DPP6: variants seen among roughly 807,000 people sequenced by gnomAD.
DPP6 encodes the protein A-type potassium channel modulatory protein DPP6.
In DPP6, 69 loss-of-function variants were observed where a neutral mutation model predicts 122.6. The observed-to-expected ratio is 0.56, with a 90% CI of 0.46 to 0.69. DPP6 has a LOEUF of 0.69. DPP6 is among the 30% of genes least tolerant of loss of function. DPP6 has a pLI of 0.00. For missense variants in DPP6, 928 were observed against 1,116.9 expected (o/e 0.83, Z 2.41); for synonymous variants, 418 against 433.1 (o/e 0.97, Z 0.43).
At chr7:153,921,411 C>G (rs1245945058) in intron 1 of DPP6, among the ~76,000 whole-genome samples, 1 of 152,206 alleles carries the variant, frequency 6.6e-6, no homozygotes, top group African/African-American at 2.4e-5. Context: ...GTTCCAAAAA[C>G]TATTAAATGC....
At chr7:154,374,603 T>TTTTTTTTCC (rs1242421074) in intron 1 of DPP6, among the ~76,000 whole-genome samples, 1 of 80,426 alleles carries the variant, frequency 1.2e-5, no homozygotes, top group Non-Finnish European at 3.4e-5. Context: ...TCTTTTTCTG[T>TTTTTTTTCC]TTTTTTTCTT....
At chr7:154,625,460 A>C (rs1462705790) in intron 5 of DPP6, among the ~76,000 whole-genome samples, 1 of 152,176 alleles carries the variant, frequency 6.6e-6, no homozygotes, top group Non-Finnish European at 1.5e-5. Flanking sequence ...AAGCATAGAG[A>C]TATTTCTAGT....
chr7:153,918,579 T>A (rs1479918329), intron 1 of DPP6, among the ~76,000 whole-genome samples: 5,980 of 42,646 alleles, frequency 0.14, 143 homozygotes, highest in East Asian at 0.21. Flanking sequence ...TCTCTCTCTC[T>A]CTCTCTCTCT....
intron 1 of DPP6, among the ~76,000 whole-genome samples, chr7:154,287,105 C>T (rs1305613482): frequency 6.6e-6 from 1 of 152,166 alleles, no homozygotes. Context: ...CTGGCCTATG[C>T]CTGTGATTGC....
chr7:154,560,973 G>C (rs116758618), intron 4 of DPP6, among the ~76,000 whole-genome samples: 1,560 of 151,344 alleles, frequency 0.01, 26 homozygotes, highest in African/African-American at 0.034. Context: ...ATTAATATTA[G>C]ATAAAATAGA....
At chr7:154,881,191 G>A (rs955823882) in intron 21 of DPP6, 9 of 507,782 alleles carry the variant, frequency 1.8e-5, no homozygotes, top group African/African-American at 1.8e-4. Flanking sequence ...CCGCAGGAGA[G>A]CTCTAATACA....
chr7:154,499,475 A>C (rs542859168), intron 3 of DPP6, among the ~76,000 whole-genome samples: 1 of 152,310 alleles, frequency 6.6e-6, no homozygotes, highest in Non-Finnish European at 1.5e-5. Flanking sequence ...GTGTGAGGCC[A>C]ACATTAAGTC....
At chr7:154,344,260 A>G (rs1199530924) in intron 1 of DPP6, among the ~76,000 whole-genome samples, 1 of 152,110 alleles carries the variant, frequency 6.6e-6, no homozygotes, top group Non-Finnish European at 1.5e-5. Flanking sequence ...CTTTCTCTCA[A>G]TAACAATAAG....
rs74894281 is a variant in DPP6 at position 154,810,455 on chromosome 7, A to G, written c.1666+3343A>G. Among the ~76,000 whole-genome samples the G allele has an allele frequency of 5.4e-3, 827 of 152,294 alleles. 10 individuals are homozygous for G. Among genetic ancestry groups the G allele is most frequent in the African/African-American group, 0.019 (783 of 41,542 alleles). ...GACAGAGTGTTAAAGTTTAGAGAGC[A>G]CTATAGGGTGGCTCCTGTGCGGATT... On this transcript the variant is annotated intron_variant, in intron 16 of 25. Coordinates refer to ENST00000377770, the MANE Select transcript of DPP6 (RefSeq NM_130797.4).
chr7:153,953,517 A>G (rs1285268224), intron 1 of DPP6, among the ~76,000 whole-genome samples: 2 of 152,112 alleles, frequency 1.3e-5, no homozygotes, highest in African/African-American at 2.4e-5. Flanking sequence ...CATGCCCAGG[A>G]CGTAGGGGAT....
At chr7:154,318,795 C>A (rs1807659589) in intron 1 of DPP6, among the ~76,000 whole-genome samples, 1 of 152,026 alleles carries the variant, frequency 6.6e-6, no homozygotes, top group Admixed American at 6.5e-5. Context: ...CACACTATAC[C>A]CCACCCCCCC....
intron 1 of DPP6, among the ~76,000 whole-genome samples, chr7:154,245,482 A>G (rs1269096135): frequency 6.6e-6 from 1 of 151,632 alleles, no homozygotes; most frequent in Non-Finnish European, 1.5e-5. Flanking sequence ...TAAAAATACA[A>G]AAATTAGCCA....
chr7:154,337,692 A>T (rs560791356), intron 1 of DPP6, among the ~76,000 whole-genome samples: 1 of 152,228 alleles, frequency 6.6e-6, no homozygotes, highest in Non-Finnish European at 1.5e-5. Flanking sequence ...TCAGGAAGGC[A>T]TTCCAGGAAA....
At chr7:154,131,456 A>G (rs563036300) in intron 1 of DPP6, among the ~76,000 whole-genome samples, 311 of 152,376 alleles carry the variant, frequency 2.0e-3, no homozygotes, top group African/African-American at 7.2e-3. Context: ...TTCATGTCAG[A>G]GGCCCTCATT....
Position 154,218,025 on chromosome 7 carries a change from T to G in DPP6, c.243+164962T>G, listed in dbSNP as rs538054868. On this transcript the variant is annotated intron_variant, in intron 1 of 25. Transcript: ENST00000377770. ...TTTCTCTCAGCATCCTGACTATAAT[T>G]AACATATGAAAAAAAGAAGCCAAAT... 2.0e-5 allele frequency among the ~76,000 whole-genome samples: 3 copies of G among 152,246 alleles called. No homozygotes were observed. The East Asian group carries it at 5.8e-4, about 29-fold the overall frequency.
chr7:154,684,482 A>C (rs1016696580), intron 7 of DPP6, among the ~76,000 whole-genome samples: 1 of 152,210 alleles, frequency 6.6e-6, no homozygotes, highest in Non-Finnish European at 1.5e-5. Flanking sequence ...CAAGATGAAA[A>C]TCAATTACTT....
intron 3 of DPP6, among the ~76,000 whole-genome samples, chr7:154,525,488 T>C (rs1827332431): frequency 6.6e-6 from 1 of 152,194 alleles, no homozygotes; most frequent in Non-Finnish European, 1.5e-5. Flanking sequence ...TGTGGGTCTC[T>C]TTTCTCTTGT....
chr7:153,811,148 C>G, the DPP6 span, among the ~76,000 whole-genome samples: 1 of 152,122 alleles, frequency 6.6e-6, no homozygotes, highest in Non-Finnish European at 1.5e-5. Context: ...GTATGTAATT[C>G]CCATGAGAGG....
At chr7:154,567,299 T>A (rs1359133202) in intron 5 of DPP6, among the ~76,000 whole-genome samples, 1 of 152,214 alleles carries the variant, frequency 6.6e-6, no homozygotes, top group Non-Finnish European at 1.5e-5. Context: ...TGAAATAATA[T>A]GTTAATTATC....
Sources: allele counts gnomAD v4.1 joint callset (sites outside exome capture counted in the v4.1 genomes callset), GRCh38; gene constraint gnomAD v4.1.1; transcripts MANE v1.5; gene names NCBI Gene and HGNC (gene_info 2026-07-23, HGNC 2026-07-21).